NOL4: variants seen among roughly 807,000 people sequenced by gnomAD.
NOL4 encodes cancer/testis antigen 125.
A neutral mutation model predicts 75.9 loss-of-function variants in NOL4; 17 were observed. The ratio of observed to expected loss-of-function variants is 0.22; its 90% CI spans 0.15 to 0.34. The LOEUF (loss-of-function observed/expected upper bound fraction) is 0.34. NOL4 is among the 10% of genes least tolerant of loss of function. The pLI is 1.00. For missense variants in NOL4, 614 were observed against 793.5 expected (o/e 0.77, Z 2.72); for synonymous variants, 292 against 289.9 (o/e 1.01, Z -0.07).
rs193023379 is a variant in NOL4, at chr18:33,972,627, C to T, written c.1057-14209G>A. Among the ~76,000 whole-genome samples, 15 of 152,224 alleles carry T rather than the reference C, an allele frequency of 9.9e-5. No homozygotes were observed. In the East Asian group the frequency reaches 2.7e-3, roughly 27 times the overall value. The stretch of plus-strand genomic sequence containing the variant: ...TCACTTCTGGGTATATACAGGCATA[C>T]ATTGGAGATATTGCAGGTTGGGTTT... On this transcript the variant is annotated intron_variant, in intron 6 of 10. Coordinates refer to ENST00000261592, the MANE Select transcript of NOL4 (RefSeq NM_003787.5).
At chr18:33,877,470 A>C in intron 10 of NOL4, among the ~76,000 whole-genome samples, 1 of 149,556 alleles carries the variant, frequency 6.7e-6, no homozygotes, top group African/African-American at 2.4e-5. Context: ...GAGCCAAGGC[A>C]TGAATTAACT....
intron 9 of NOL4, among the ~76,000 whole-genome samples, chr18:33,925,642 A>T (rs2067279490): frequency 1.3e-5 from 2 of 152,224 alleles, no homozygotes; most frequent in Admixed American, 1.3e-4. Flanking sequence ...GATGACATTA[A>T]CAGTTGAAAT....
At chr18:34,215,686 T>A (rs2036838456) in intron 1 of NOL4, among the ~76,000 whole-genome samples, 1 of 152,186 alleles carries the variant, frequency 6.6e-6, no homozygotes, top group South Asian at 2.1e-4. Context: ...TAATTTGAGA[T>A]ATTTTGGGAT....
At chr18:33,959,775 T>C (rs7238808) in intron 6 of NOL4, among the ~76,000 whole-genome samples, 53,066 of 151,806 alleles carry the variant, frequency 0.35, 9,734 homozygotes, top group Non-Finnish European at 0.41. Flanking sequence ...GAAAGGATTA[T>C]CCTCCAGATT....
At position 33,943,174 on chromosome 18, in the gene NOL4, C is replaced by T. The variant is rs1599959921; in HGVS notation, c.1433G>A (p.Arg478Gln). 3 of 1,595,100 alleles carry T rather than the reference C, an allele frequency of 1.9e-6. No individual in the cohort carries two copies. Among genetic ancestry groups the T allele is most frequent in the Non-Finnish European group, 2.6e-6 (3 of 1,170,344 alleles). ...TGAAGTAAGGTGGGAAGGAATAGGTCGAGACTAAAAAAAAAAAGAGAAAAG... is the reference window on the plus strand; with the variant it reads ...TGAAGTAAGGTGGGAAGGAATAGGTTGAGACTAAAAAAAAAAAGAGAAAAG... ...RMKRSGFEMS[R>Q]PIPSHLTSAV... Residue 478 changes from arginine to glutamine, a missense_variant, in exon 9 of 11, where the codon CGA becomes CAA. Transcript: ENST00000261592.
rs9948392 is a variant in NOL4 at position 33,923,220 on chromosome 18, G to A, written c.1542+19845C>T. Reference sequence around the variant, plus strand: ...CCTTTCTTGATGTCTATTTCATAATGTCATAAGGTCATGATTTAGAAACTG... The same window carrying A: ...CCTTTCTTGATGTCTATTTCATAATATCATAAGGTCATGATTTAGAAACTG... On this transcript the variant is annotated intron_variant, in intron 9 of 10. Coordinates refer to ENST00000261592, the MANE Select transcript of NOL4 (RefSeq NM_003787.5). 4.7e-3 allele frequency among the ~76,000 whole-genome samples: 711 copies of A among 152,100 alleles called. 9 individuals carry two copies. The highest frequency in any genetic ancestry group is 0.016 in the African/African-American group (663 of 41,546).
At chr18:33,864,147 C>T (rs893182321) in intron 10 of NOL4, among the ~76,000 whole-genome samples, 1 of 152,138 alleles carries the variant, frequency 6.6e-6, no homozygotes, top group African/African-American at 2.4e-5. Context: ...TCCTAGACCT[C>T]CAGGCCTATG....
chr18:33,900,491 G>T (rs539255919), intron 9 of NOL4, among the ~76,000 whole-genome samples: 8 of 152,054 alleles, frequency 5.3e-5, no homozygotes, highest in Non-Finnish European at 1.2e-4. Context: ...TACTGGCGTT[G>T]AGATAAAACT....
At chr18:33,859,670 G>T (rs2063000758) in intron 10 of NOL4, among the ~76,000 whole-genome samples, 1 of 152,152 alleles carries the variant, frequency 6.6e-6, no homozygotes, top group Non-Finnish European at 1.5e-5. Context: ...TATAATCCTA[G>T]CACTTTGGGA....
chr18:33,905,352 C>T (rs11659950), intron 9 of NOL4, among the ~76,000 whole-genome samples: 19,822 of 152,098 alleles, frequency 0.13, 1,417 homozygotes, highest in Non-Finnish European at 0.17. Context: ...CTGCTGAATA[C>T]CCATTCATCA....
intron 5 of NOL4, among the ~76,000 whole-genome samples, chr18:34,066,588 C>A (rs1330668877): frequency 6.6e-6 from 1 of 151,608 alleles, no homozygotes; most frequent in African/African-American, 2.4e-5. Flanking sequence ...AGAAAGCTTG[C>A]ATGTCAAATC....
At chr18:33,956,209 C>T (rs370505342) in intron 8 of NOL4, among the ~76,000 whole-genome samples, 4 of 152,090 alleles carry the variant, frequency 2.6e-5, no homozygotes, top group Admixed American at 2.0e-4. Context: ...CAAAGCCACA[C>T]AACAGACTCA....
intron 9 of NOL4, among the ~76,000 whole-genome samples, chr18:33,925,065 A>G (rs2067246464): frequency 6.6e-6 from 1 of 152,216 alleles, no homozygotes. Context: ...ATAAATAATA[A>G]TAGTGATAAT....
intron 6 of NOL4, among the ~76,000 whole-genome samples, chr18:33,982,812 G>A (rs985953009): frequency 6.9e-6 from 1 of 144,222 alleles, no homozygotes; most frequent in Non-Finnish European, 1.5e-5. Flanking sequence ...GTGTAATGGT[G>A]CGTTCTCGGC....
chr18:33,937,355 A>G (rs913241799), intron 9 of NOL4, among the ~76,000 whole-genome samples: 1 of 152,084 alleles, frequency 6.6e-6, no homozygotes, highest in African/African-American at 2.4e-5. Flanking sequence ...GAGCTTTATA[A>G]AATCCAATTA....
In NOL4 at chr18:33,852,012, TCAA is replaced by T. The variant is rs1329463647; in HGVS notation, c.*827_*829del. ...TAAGAAACCAAGGTGTGATTTTTTTTCAACAACATGTCTTGTCATTATTAAAAA... is the reference window on the plus strand; with the variant it reads ...TAAGAAACCAAGGTGTGATTTTTTTTCAACATGTCTTGTCATTATTAAAAA... On this transcript the variant is annotated 3_prime_UTR_variant, in exon 11 of 11. Transcript: ENST00000261592. The T allele has an allele frequency of 6.6e-6, 1 of 152,318 alleles. No homozygotes were observed. The highest frequency in any genetic ancestry group is 2.4e-5 in the African/African-American group (1 of 41,366). The allele number at this position is 152,318 out of a possible 1,614,324, so 9.4% of individuals were successfully genotyped here.
At chr18:34,169,674 G>A (rs1017487082) in intron 1 of NOL4, among the ~76,000 whole-genome samples, 2 of 152,060 alleles carry the variant, frequency 1.3e-5, no homozygotes, top group Non-Finnish European at 2.9e-5. Flanking sequence ...AATACTACAA[G>A]GGCTAGGTTA....
intron 5 of NOL4, among the ~76,000 whole-genome samples, chr18:34,056,132 TA>T (rs1312895664): frequency 6.6e-6 from 1 of 152,216 alleles, no homozygotes; most frequent in Non-Finnish European, 1.5e-5. Flanking sequence ...TGCCTTTCTT[TA>T]GGTTCTATAT....
chr18:33,851,560 C>T lies in NOL4; in HGVS notation c.*1282G>A, dbSNP rs1256611827. On this transcript the variant is annotated 3_prime_UTR_variant, in exon 11 of 11. Coordinates refer to ENST00000261592, the MANE Select transcript of NOL4 (RefSeq NM_003787.5). ...AATGCACAAAGAATTTGTAATCCAA[C>T]CAAAGCTAAACAACAGAAAAAAGTT... 3.3e-5 allele frequency: 5 copies of T among 152,382 alleles called. No homozygotes were observed. Among genetic ancestry groups the T allele is most frequent in the Admixed American group, 2.6e-4 (4 of 15,234 alleles). The allele number at this position is 152,382 out of a possible 1,614,324, so 9.4% of individuals were successfully genotyped here.
Sources: gnomAD v4.1 joint callset for allele counts (sites outside exome capture counted in the v4.1 genomes callset) on GRCh38, gnomAD v4.1.1 for gene constraint, MANE v1.5 for transcripts, NCBI Gene and HGNC (gene_info 2026-07-23, HGNC 2026-07-21) for gene names.